KCNK2: variants seen among roughly 807,000 people sequenced by gnomAD.
KCNK2 encodes potassium channel subfamily K member 2.
KCNK2 carries 21 observed loss-of-function variants against 40.5 expected under a neutral mutation model. The observed-to-expected ratio is 0.52, with a 90% CI of 0.37 to 0.75. The LOEUF is 0.75. Ranked by LOEUF, KCNK2 falls within the 30% of genes least tolerant of loss-of-function variation. The pLI, the probability that KCNK2 is intolerant of heterozygous loss-of-function variation, is 0.00. For synonymous variants in KCNK2, 191 were observed against 202.2 expected, an observed-to-expected ratio of 0.94 and a Z score of 0.47; for missense variants, 399 against 531.6, an observed-to-expected ratio of 0.75 and a Z score of 2.45.
At chr1:215,071,195 G>A (rs1947364) in intron 1 of KCNK2, among the ~76,000 whole-genome samples, 130,996 of 152,174 alleles carry the variant, frequency 0.86, 56,660 homozygotes, top group East Asian at 0.98. Flanking sequence ...ATAATTGGCT[G>A]TGTTAGTTCT....
At chr1:215,088,232 G>C (rs1373672805) in intron 2 of KCNK2, among the ~76,000 whole-genome samples, 1 of 152,144 alleles carries the variant, frequency 6.6e-6, no homozygotes. Flanking sequence ...GGATATCTTG[G>C]TGGAGGCAGC....
At chr1:215,061,115 T>C (rs924276915) in intron 1 of KCNK2, among the ~76,000 whole-genome samples, 1 of 152,158 alleles carries the variant, frequency 6.6e-6, no homozygotes, top group East Asian at 1.9e-4. Context: ...ATTTTTCCTA[T>C]TAGAAATACT....
At chr1:215,159,908 C>T (rs944789497) in intron 3 of KCNK2, among the ~76,000 whole-genome samples, 1 of 152,068 alleles carries the variant, frequency 6.6e-6, no homozygotes, top group South Asian at 2.1e-4. Context: ...GTATTTCAGC[C>T]CCAAATGCAT....
intron 1 of KCNK2, among the ~76,000 whole-genome samples, chr1:215,011,522 G>A (rs768233833): frequency 6.6e-6 from 1 of 152,144 alleles, no homozygotes; most frequent in Non-Finnish European, 1.5e-5. Flanking sequence ...CAAACTCCAG[G>A]ACTCAAGAAT....
intron 5 of KCNK2, among the ~76,000 whole-genome samples, chr1:215,188,910 A>C (rs928720993): frequency 2.0e-5 from 3 of 152,198 alleles, no homozygotes; most frequent in African/African-American, 7.2e-5. Context: ...TAGGTGTTTA[A>C]TGGACACATA....
At chr1:215,101,876 T>A (rs1244819530) in intron 2 of KCNK2, among the ~76,000 whole-genome samples, 1 of 152,064 alleles carries the variant, frequency 6.6e-6, no homozygotes, top group Non-Finnish European at 1.5e-5. Context: ...CATACAATTA[T>A]GTACTACCTA....
chr1:215,176,115 G>T (rs1229763715), intron 5 of KCNK2, among the ~76,000 whole-genome samples: 2 of 152,144 alleles, frequency 1.3e-5, no homozygotes, highest in Non-Finnish European at 2.9e-5. Flanking sequence ...CCCACCGTCA[G>T]TGTGTAAGCA....
chr1:215,141,554 C>A (rs1165137496), intron 3 of KCNK2, among the ~76,000 whole-genome samples: 6 of 152,040 alleles, frequency 3.9e-5, no homozygotes. Flanking sequence ...GTTTATATAA[C>A]CCTCAGATAC....
At chr1:215,167,478 A>G (rs1663499622) in intron 3 of KCNK2, among the ~76,000 whole-genome samples, 1 of 152,110 alleles carries the variant, frequency 6.6e-6, no homozygotes, top group African/African-American at 2.4e-5. Flanking sequence ...CTAGAAGTAT[A>G]TTTTTTAACC....
At chr1:215,041,741 C>T (rs762551651) in intron 1 of KCNK2, among the ~76,000 whole-genome samples, 1 of 152,134 alleles carries the variant, frequency 6.6e-6, no homozygotes, top group Non-Finnish European at 1.5e-5. Context: ...AATAAGATTG[C>T]AAGCTATATT....
intron 5 of KCNK2, among the ~76,000 whole-genome samples, chr1:215,189,887 G>A (rs1416595467): frequency 6.6e-6 from 1 of 151,952 alleles, no homozygotes; most frequent in African/African-American, 2.4e-5. Flanking sequence ...GTAAAGTCAA[G>A]TAAACCCCCC....
intron 1 of KCNK2, among the ~76,000 whole-genome samples, chr1:215,037,498 T>A (rs1038062717): frequency 6.6e-6 from 1 of 151,984 alleles, no homozygotes; most frequent in Non-Finnish European, 1.5e-5. Flanking sequence ...TTCTTTTTTA[T>A]AATGACATTG....
At chr1:215,010,553 C>T (rs1306632445) in intron 1 of KCNK2, among the ~76,000 whole-genome samples, 4 of 152,160 alleles carry the variant, frequency 2.6e-5, no homozygotes, top group Admixed American at 6.6e-5. Flanking sequence ...AGACTAAGTG[C>T]AGCAGAGCTA....
rs533148286 is a variant in KCNK2, at chr1:215,185,504, G to A, written c.824-9449G>A. On this transcript the variant is annotated intron_variant, in intron 5 of 6. Coordinates refer to ENST00000444842, the MANE Select transcript of KCNK2 (RefSeq NM_001017425.3). ...AATTTTTTTAAAGGATCTTGGAAAAGAATTGCCTCATATAGTCCAATAGAG... is the reference window on the plus strand; with the variant it reads ...AATTTTTTTAAAGGATCTTGGAAAAAAATTGCCTCATATAGTCCAATAGAG... Among the ~76,000 whole-genome samples, 7 of 152,266 alleles carry A rather than the reference G, an allele frequency of 4.6e-5. No homozygotes were observed. The South Asian group carries it at 1.2e-3, about 27-fold the overall frequency.
chr1:215,111,628 T>A (rs1181163294), intron 2 of KCNK2, among the ~76,000 whole-genome samples: 2 of 152,158 alleles, frequency 1.3e-5, no homozygotes, highest in Non-Finnish European at 2.9e-5. Flanking sequence ...ATGTCTCTTG[T>A]TGACATTCTT....
At chr1:215,058,524 C>G (rs966532961) in intron 1 of KCNK2, among the ~76,000 whole-genome samples, 1 of 152,200 alleles carries the variant, frequency 6.6e-6, no homozygotes, top group African/African-American at 2.4e-5. Flanking sequence ...TCTACTACCT[C>G]ACTACCACAA....
chr1:215,196,732 G>A (rs1236810345), intron 6 of KCNK2, among the ~76,000 whole-genome samples: 2 of 151,840 alleles, frequency 1.3e-5, no homozygotes, highest in Non-Finnish European at 2.9e-5. Context: ...AGAGAGAGAA[G>A]TATAATGGAT....
At chr1:215,073,805 T>G (rs1658839871) in intron 1 of KCNK2, among the ~76,000 whole-genome samples, 1 of 152,196 alleles carries the variant, frequency 6.6e-6, no homozygotes, top group African/African-American at 2.4e-5. Context: ...GTGAAATGGC[T>G]GGACATGGTA....
chr1:215,071,769 T>G (rs1044654560), intron 1 of KCNK2, among the ~76,000 whole-genome samples: 4 of 152,092 alleles, frequency 2.6e-5, no homozygotes, highest in Admixed American at 6.6e-5. Flanking sequence ...AGGAGCTGCT[T>G]CTTCTGTAAT....
Sources: allele counts gnomAD v4.1 joint callset (sites outside exome capture counted in the v4.1 genomes callset), GRCh38; gene constraint gnomAD v4.1.1; transcripts MANE v1.5; gene names NCBI Gene and HGNC (gene_info 2026-07-23, HGNC 2026-07-21).